PLEKHA8: variants seen among roughly 807,000 people sequenced by gnomAD.
The protein encoded by PLEKHA8 is pleckstrin homology domain-containing family A member 8.
A neutral mutation model predicts 68.2 loss-of-function variants in PLEKHA8; 36 were observed. The ratio of observed to expected loss-of-function variants is 0.53; its 90% confidence interval spans 0.40 to 0.70. The LOEUF is 0.70. Among genes scored for constraint, PLEKHA8 ranks in the 30% least tolerant of loss-of-function variants. PLEKHA8 has a pLI of 0.00. For synonymous variants in PLEKHA8, 211 were observed against 216.1 expected, an observed-to-expected ratio of 0.98 and a Z score of 0.20; for missense variants, 505 against 615.4, an observed-to-expected ratio of 0.82 and a Z score of 1.90.
At chr7:30,107,112 G>C (rs1293885514) in intron 13 of PLEKHA8, among the ~76,000 whole-genome samples, 1 of 151,982 alleles carries the variant, frequency 6.6e-6, no homozygotes, top group African/African-American at 2.4e-5. Context: ...TTTATAGACT[G>C]ACTTTGGGAG....
At chr7:30,095,882 A>G (rs573237413) in intron 13 of PLEKHA8, among the ~76,000 whole-genome samples, 158 of 152,232 alleles carry the variant, frequency 1.0e-3, no homozygotes, top group Non-Finnish European at 1.6e-3. Context: ...TCATTGATCT[A>G]TATCTCTGTT....
chr7:30,083,947 A>G lies in PLEKHA8; in HGVS notation c.*5160A>G, dbSNP rs1795069641. On this transcript the variant is annotated 3_prime_UTR_variant, in exon 14 of 14. Transcript: ENST00000449726. ...TATGGAGTCAGTGTTGATAGGAAGG[A>G]TGCTCTAGAAGTACTTCTGTTGTTT... 1.0e-6 allele frequency: 1 copy of G among 985,350 alleles called. No homozygotes were observed. Among genetic ancestry groups the G allele is most frequent in the African/African-American group, 1.7e-5 (1 of 57,238 alleles). 61.0% of individuals were successfully genotyped at this position (985,350 alleles called of 1,614,324 possible). A position where few individuals can be genotyped will look rare whatever the true frequency, so the allele number is the denominator to read the frequency against.
chr7:30,129,625 G>T (rs1465736003), downstream of PLEKHA8: 11 of 302,824 alleles, frequency 3.6e-5, no homozygotes, highest in Admixed American at 4.4e-5. Context: ...AAGAACTTTG[G>T]GTATATAGTC....
intron 4 of PLEKHA8, among the ~76,000 whole-genome samples, chr7:30,048,397 G>A (rs1398318488): frequency 6.6e-6 from 1 of 152,116 alleles, no homozygotes; most frequent in Non-Finnish European, 1.5e-5. Flanking sequence ...TTTCATTGAT[G>A]TGCATCTATG....
chr7:30,100,194 A>G (rs1226202868), intron 13 of PLEKHA8, among the ~76,000 whole-genome samples: 2 of 152,164 alleles, frequency 1.3e-5, no homozygotes, highest in Non-Finnish European at 2.9e-5. Context: ...TCTTGACTAT[A>G]TCCGTAAAGA....
Position 30,062,542 on chromosome 7 carries a change from A to G in PLEKHA8, c.1230-130A>G, listed in dbSNP as rs191668780. The G allele has an allele frequency of 4.6e-5, 32 of 698,766 alleles. 1 individual carries two copies. The Admixed American group carries it at 5.9e-4, about 13-fold the overall frequency. The allele number at this position is 698,766 out of a possible 1,614,324, so 43.3% of individuals were successfully genotyped here. On this transcript the variant is annotated intron_variant, in intron 11 of 13. Coordinates refer to ENST00000449726, the MANE Select transcript of PLEKHA8 (RefSeq NM_001197026.2). Reference sequence around the variant, plus strand: ...GGGAAGAGGTTCAGGAAGGACTGCCATATGATTTGACCTATTCACTGCTGT... The same window carrying G: ...GGGAAGAGGTTCAGGAAGGACTGCCGTATGATTTGACCTATTCACTGCTGT...
intron 13 of PLEKHA8, among the ~76,000 whole-genome samples, chr7:30,103,538 C>T (rs563924285): frequency 2.8e-4 from 43 of 152,278 alleles, no homozygotes; most frequent in South Asian, 4.1e-4. Flanking sequence ...AAGACTTTCT[C>T]GAAAGCTGTA....
At chr7:30,046,746 A>G (rs1791993761) in intron 3 of PLEKHA8, among the ~76,000 whole-genome samples, 1 of 152,232 alleles carries the variant, frequency 6.6e-6, no homozygotes, top group African/African-American at 2.4e-5. Flanking sequence ...TGGAGTATCC[A>G]GTCTGTGGCC....
chr7:30,098,340 C>A (rs1795712981), intron 13 of PLEKHA8, among the ~76,000 whole-genome samples: 1 of 152,246 alleles, frequency 6.6e-6, no homozygotes, highest in Non-Finnish European at 1.5e-5. Context: ...AGAACCACTA[C>A]TCTCTTCAAA....
chr7:30,032,696 G>T (rs374744622), intron 1 of PLEKHA8, among the ~76,000 whole-genome samples: 1 of 152,272 alleles, frequency 6.6e-6, no homozygotes, highest in East Asian at 1.9e-4. Flanking sequence ...CTATTTCGGG[G>T]GTGGGAAGTG....
At chr7:30,046,184 C>T in intron 2 of PLEKHA8, 26 bp from the exon 3 acceptor site, 3 of 1,537,336 alleles carry the variant, frequency 2.0e-6, no homozygotes, top group Non-Finnish European at 2.6e-6. Context: ...TTCTGAGTCT[C>T]TGATCTCCCT....
At chr7:30,075,997 T>A (rs1794588479) in intron 13 of PLEKHA8, among the ~76,000 whole-genome samples, 1 of 151,962 alleles carries the variant, frequency 6.6e-6, no homozygotes, top group African/African-American at 2.4e-5. Flanking sequence ...ATTTTTGTAT[T>A]TTACTGTCTT....
intron 13 of PLEKHA8, among the ~76,000 whole-genome samples, chr7:30,126,915 T>G (rs1796782334): frequency 6.6e-6 from 1 of 152,210 alleles, no homozygotes; most frequent in South Asian, 2.1e-4. Context: ...GGAGCTACAA[T>G]TCAAGATGAG....
chr7:30,124,291 A>T (rs970112115), intron 13 of PLEKHA8, among the ~76,000 whole-genome samples: 1 of 152,218 alleles, frequency 6.6e-6, no homozygotes, highest in African/African-American at 2.4e-5. Context: ...TCTTCAAAAT[A>T]TTTAGTGATT....
downstream of PLEKHA8, among the ~76,000 whole-genome samples, chr7:30,093,494 G>A (rs1230527721): frequency 6.6e-6 from 1 of 152,206 alleles, no homozygotes; most frequent in Non-Finnish European, 1.5e-5. Flanking sequence ...GTAAGACAGA[G>A]CGGAGGCTGG....
intron 13 of PLEKHA8, among the ~76,000 whole-genome samples, chr7:30,116,648 T>G (rs1035295269): frequency 6.6e-5 from 10 of 152,188 alleles, no homozygotes; most frequent in Non-Finnish European, 4.4e-5. Context: ...TAAAGCAAGA[T>G]CATGTTGTTT....
intron 12 of PLEKHA8, among the ~76,000 whole-genome samples, chr7:30,065,038 C>T (rs1793729119): frequency 6.6e-6 from 1 of 152,086 alleles, no homozygotes; most frequent in Non-Finnish European, 1.5e-5. Context: ...CCAATTCTGC[C>T]CACTTTTCTC....
intron 13 of PLEKHA8, among the ~76,000 whole-genome samples, chr7:30,115,572 A>T (rs1386461374): frequency 2.8e-5 from 2 of 72,542 alleles, no homozygotes; most frequent in African/African-American, 6.9e-5. Context: ...ACATATGTAT[A>T]CATGCACGTA....
intron 13 of PLEKHA8, among the ~76,000 whole-genome samples, chr7:30,103,290 A>G (rs1795923785): frequency 6.6e-6 from 1 of 152,276 alleles, no homozygotes. Context: ...GTAATATACC[A>G]AAAGTTATTG....
Sources: allele counts gnomAD v4.1 joint callset (sites outside exome capture counted in the v4.1 genomes callset), GRCh38; gene constraint gnomAD v4.1.1; transcripts MANE v1.5; gene names NCBI Gene and HGNC (gene_info 2026-07-23, HGNC 2026-07-21).